The following LDLRAD4 variants were observed in gnomAD, a reference collection of about 807,000 sequenced individuals.
LDLRAD4 encodes low density lipoprotein receptor class A domain containing 4, also known as low-density lipoprotein receptor class A domain-containing protein 4.
In LDLRAD4, 5 loss-of-function variants were observed where a neutral mutation model predicts 17.0. The ratio of observed to expected loss-of-function variants is 0.29; its 90% CI spans 0.15 to 0.62. The LOEUF (loss-of-function observed/expected upper bound fraction) is 0.62, where lower values mean the gene tolerates loss of function less well. LDLRAD4 is among the 20% of genes least tolerant of loss of function. The pLI is 0.84. For synonymous variants in LDLRAD4, 168 were observed against 171.8 expected (o/e 0.98, Z 0.17); for missense variants, 340 against 424.7 (o/e 0.80, Z 1.75).
intron 1 of LDLRAD4, among the ~76,000 whole-genome samples, chr18:13,296,360 A>C (rs1022055759): frequency 1.3e-5 from 2 of 152,146 alleles, no homozygotes; most frequent in Non-Finnish European, 2.9e-5. Context: ...AATGACAGAA[A>C]TGTATTTTCT....
intron 1 of LDLRAD4, among the ~76,000 whole-genome samples, chr18:13,363,503 AAG>A (rs1231725789): frequency 1.3e-5 from 2 of 152,210 alleles, no homozygotes; most frequent in Non-Finnish European, 2.9e-5. Context: ...CAGTGCCAAA[AAG>A]AGCTTTGTCT....
chr18:13,468,548 C>T (rs2092685817), intron 3 of LDLRAD4, among the ~76,000 whole-genome samples: 1 of 152,084 alleles, frequency 6.6e-6, no homozygotes, highest in African/African-American at 2.4e-5. Flanking sequence ...GACACATGCA[C>T]ATGTATGTTT....
chr18:13,376,339 C>T (rs770541871), intron 1 of LDLRAD4, among the ~76,000 whole-genome samples: 3 of 152,170 alleles, frequency 2.0e-5, no homozygotes, highest in Non-Finnish European at 4.4e-5. Flanking sequence ...AGGAAGTTGG[C>T]GGTCAGGCTG....
Position 13,318,482 on chromosome 18 carries a change from G to A in LDLRAD4, c.-383+40294G>A, listed in dbSNP as rs757421569. Among the ~76,000 whole-genome samples, 5 of 152,210 alleles carry A rather than the reference G, an allele frequency of 3.3e-5. No individual in the cohort carries two copies. In the East Asian group the frequency reaches 9.7e-4, roughly 29 times the overall value. On this transcript the variant is annotated intron_variant, in intron 1 of 5. Coordinates refer to ENST00000359446, the Ensembl canonical transcript of LDLRAD4. Reference sequence around the variant, plus strand: ...TTACCATACTGGTCAGGCTGGTCTCGAATTCCTGACCTCAGGAGATTTACC... The same window carrying A: ...TTACCATACTGGTCAGGCTGGTCTCAAATTCCTGACCTCAGGAGATTTACC...
chr18:13,443,552 G>A (rs753488738), intron 3 of LDLRAD4, among the ~76,000 whole-genome samples: 17 of 152,288 alleles, frequency 1.1e-4, no homozygotes, highest in Non-Finnish European at 2.2e-4. Context: ...TTATAAACAT[G>A]TGTTTCGGTT....
In LDLRAD4 at chr18:13,622,038, C is replaced by T. The variant is rs573468653; in HGVS notation, c.336+767C>T. 2.0e-5 allele frequency among the ~76,000 whole-genome samples: 3 copies of T among 152,222 alleles called. No individual in the cohort carries two copies. Among genetic ancestry groups the T allele is most frequent in the South Asian group, 2.1e-4 (1 of 4,820 alleles). ...AGCGAGCGTATAAATCCTTGGCTTCCGTGATGGGCAGCGAGGCCGAGTCTC... is the reference window on the plus strand; with the variant it reads ...AGCGAGCGTATAAATCCTTGGCTTCTGTGATGGGCAGCGAGGCCGAGTCTC... On this transcript the variant is annotated intron_variant, in intron 4 of 5. Transcript: ENST00000359446. The surrounding 1 kb of genome is among the most constrained non-coding windows in gnomAD (Gnocchi z 5.3).
intron 1 of LDLRAD4, among the ~76,000 whole-genome samples, chr18:13,225,465 G>T (rs1033676862): frequency 6.6e-6 from 1 of 152,194 alleles, no homozygotes; most frequent in African/African-American, 2.4e-5. Flanking sequence ...GGGCTAGCCC[G>T]GCATGGGGCT....
chr18:13,509,886 A>C (rs1455620059), intron 3 of LDLRAD4, among the ~76,000 whole-genome samples: 2 of 152,234 alleles, frequency 1.3e-5, no homozygotes, highest in African/African-American at 4.8e-5. Context: ...CAAAAAGATT[A>C]CAACACAATG....
chr18:13,299,412 C>T (rs1567981468), intron 1 of LDLRAD4, among the ~76,000 whole-genome samples: 1 of 152,152 alleles, frequency 6.6e-6, no homozygotes, highest in South Asian at 2.1e-4. Flanking sequence ...GAAGAAAAGC[C>T]TGAGCAGCTG....
chr18:13,282,356 A>G (rs2045334083), intron 1 of LDLRAD4, among the ~76,000 whole-genome samples: 1 of 152,218 alleles, frequency 6.6e-6, no homozygotes, highest in Non-Finnish European at 1.5e-5. Context: ...CATTTTAGGT[A>G]AGGCAAGTCC....
chr18:13,293,877 C>T (rs796647874), intron 1 of LDLRAD4, among the ~76,000 whole-genome samples: 76 of 152,248 alleles, frequency 5.0e-4, no homozygotes, highest in African/African-American at 1.7e-3. Flanking sequence ...TTCCAGAAAA[C>T]GCTTTGTTCC....
At chr18:13,320,480 C>G (rs2081160879) in intron 1 of LDLRAD4, among the ~76,000 whole-genome samples, 1 of 152,236 alleles carries the variant, frequency 6.6e-6, no homozygotes, top group Non-Finnish European at 1.5e-5. Context: ...GACCAGTGCT[C>G]TCAAACTGCT....
intron 4 of LDLRAD4, among the ~76,000 whole-genome samples, chr18:13,627,173 A>C (rs1335504776): frequency 6.6e-6 from 1 of 152,242 alleles, no homozygotes; most frequent in South Asian, 2.1e-4. Context: ...TGGGAGGCTG[A>C]AGCAAGAGAA....
At chr18:13,641,921 G>A in intron 4 of LDLRAD4, 1 of 985,536 alleles carries the variant, frequency 1.0e-6, no homozygotes, top group South Asian at 4.7e-5. Flanking sequence ...GGCGTTCCTG[G>A]CTACGGCTGA....
intron 1 of LDLRAD4, among the ~76,000 whole-genome samples, chr18:13,220,400 A>G (rs192729345): frequency 1.1e-4 from 16 of 151,508 alleles, no homozygotes; most frequent in African/African-American, 3.9e-4. Flanking sequence ...ATTGGAGAAG[A>G]CTCTTCCCGG....
At chr18:13,395,096 T>A (rs992356449) in intron 2 of LDLRAD4, among the ~76,000 whole-genome samples, 2 of 152,182 alleles carry the variant, frequency 1.3e-5, no homozygotes, top group African/African-American at 4.8e-5. Context: ...GTTCCTGCTC[T>A]GTGACACTGA....
At chr18:13,581,550 G>A (rs1242328574) in intron 3 of LDLRAD4, among the ~76,000 whole-genome samples, 2 of 152,202 alleles carry the variant, frequency 1.3e-5, no homozygotes, top group African/African-American at 4.8e-5. Context: ...AGATCATCCA[G>A]CTATAAAATT....
chr18:13,330,366 A>G (rs1408863782), intron 1 of LDLRAD4, among the ~76,000 whole-genome samples: 1 of 152,132 alleles, frequency 6.6e-6, no homozygotes, highest in East Asian at 1.9e-4. Flanking sequence ...TATTGTGATC[A>G]TAATACATTA....
At chr18:13,252,469 G>A (rs140019263) in intron 1 of LDLRAD4, among the ~76,000 whole-genome samples, 50 of 152,348 alleles carry the variant, frequency 3.3e-4, no homozygotes, top group African/African-American at 1.2e-3. Flanking sequence ...CAGGTGTACC[G>A]CTAGGTGCGG....
Sources: gnomAD v4.1 joint callset for allele counts (sites outside exome capture counted in the v4.1 genomes callset) on GRCh38, gnomAD v4.1.1 for gene constraint, Gnocchi (gnomAD v3.1) non-coding constraint, MANE v1.5 for transcripts, NCBI Gene and HGNC (gene_info 2026-07-23, HGNC 2026-07-21) for gene names.